Variants in WDR87 observed in about 807,000 individuals in gnomAD.
WDR87 encodes WD repeat-containing protein 87.
A neutral mutation model predicts 83.3 loss-of-function variants in WDR87; 56 were observed. That is an observed-to-expected ratio of 0.67 (90% CI 0.54 to 0.84). The LOEUF (loss-of-function observed/expected upper bound fraction) is 0.84, where lower values mean the gene tolerates loss of function less well. WDR87 is among the 40% of genes least tolerant of loss of function. WDR87 has a pLI of 0.00. For missense variants in WDR87, 2,939 were observed against 3,431.9 expected, an observed-to-expected ratio of 0.86 and a Z score of 3.59; for synonymous variants, 1,173 against 1,250.6, an observed-to-expected ratio of 0.94 and a Z score of 1.31.
chr19:37,903,474 C>G (rs1248439211), intron 1 of WDR87, among the ~76,000 whole-genome samples: 1 of 152,134 alleles, frequency 6.6e-6, no homozygotes. Context: ...TGAGAAGTAA[C>G]GACAGTATCC....
rs556201216 is a variant in WDR87, at chr19:37,899,766, C to T, written c.-46-1481G>A. ...CCTGGCCTATTTTGTTTTTTTGTTT[C>T]AATTTTTGTAGAGATGGGAGTGGGG... On this transcript the variant is annotated intron_variant, in intron 1 of 5. Transcript: ENST00000447313. Among the ~76,000 whole-genome samples the T allele has an allele frequency of 3.4e-4, 52 of 151,932 alleles. No homozygotes were observed. In the South Asian group the frequency reaches 7.1e-3, roughly 21 times the overall value.
chr19:37,888,106 C>T lies in WDR87; in HGVS notation c.5565G>A (p.Arg1855=). The T allele has an allele frequency of 6.4e-7, 1 of 1,551,958 alleles. No homozygotes were observed. Among genetic ancestry groups the T allele is most frequent in the Non-Finnish European group, 8.7e-7 (1 of 1,147,082 alleles). ...IEKKMKLAQK[R]ERWINSMEEL... is the part of the protein sequence containing the mutation. ...CTTCCATGCTGTTGATCCATCTTTC[C>T]CTTTTTTGGGCCAGTTTCATCTTCT... The change falls in exon 6 of 6, where the codon AGG becomes AGA. Residue 1855 remains arginine, a synonymous_variant. Coordinates refer to ENST00000447313, the MANE Select transcript of WDR87 (RefSeq NM_001291088.2).
chr19:37,896,935 G>A (rs758450535), intron 2 of WDR87, among the ~76,000 whole-genome samples: 2 of 151,984 alleles, frequency 1.3e-5, no homozygotes, highest in Non-Finnish European at 2.9e-5. Flanking sequence ...TAACATTCTC[G>A]CTTGTGTGTA....
chr19:37,885,603 C>G lies in WDR87; in HGVS notation c.8068G>C (p.Ala2690Pro). 6.4e-7 allele frequency: 1 copy of G among 1,551,716 alleles called. No homozygotes were observed. The highest frequency in any genetic ancestry group is 8.7e-7 in the Non-Finnish European group (1 of 1,147,008). Residue 2690 changes from alanine (A) to proline (P), a missense_variant, in exon 6 of 6, where the codon GCA becomes CCA. Transcript: ENST00000447313. ...TTGTGAGCAATGGATATCTGCTGTG[C>G]CCTCTCACTTCTGTAAGGTTCTCCT... ...LLGEPYRSER[A>P]QQISIAHKEM...
At position 37,891,888 on chromosome 19, in the gene WDR87, A is replaced by G. The variant is rs2046208843; in HGVS notation, c.3126-68T>C. ...ACAAAAGGGAGAATGGGAAGCAAAA[A>G]ACGGTTGTGGAACAGGCAGGAGGCT... is the stretch of plus-strand genomic sequence containing the variant. On this transcript the variant is annotated intron_variant, in intron 4 of 5. Transcript: ENST00000447313. 4.0e-6 allele frequency: 6 copies of G among 1,512,386 alleles called. No homozygotes were observed. In the South Asian group the frequency reaches 5.1e-5, roughly 13 times the overall value. 93.7% of individuals were successfully genotyped at this position (1,512,386 alleles called of 1,614,324 possible). A position where few individuals can be genotyped will look rare whatever the true frequency, so the allele number is the denominator to read the frequency against.
chr19:37,901,976 A>G (rs1281535281), intron 1 of WDR87, among the ~76,000 whole-genome samples: 3 of 151,822 alleles, frequency 2.0e-5, no homozygotes, highest in Non-Finnish European at 4.4e-5. Context: ...TCAGCCTCCC[A>G]AAGTGCTGGG....
Position 37,892,631 on chromosome 19 carries a change from A to G in WDR87, c.3072T>C (p.Ser1024=), listed in dbSNP as rs748059731. The change falls in exon 4 of 6, where the codon TCT becomes TCC. Residue 1024 remains serine (S), a synonymous_variant. Coordinates refer to ENST00000447313, the MANE Select transcript of WDR87 (RefSeq NM_001291088.2). The stretch of plus-strand genomic sequence containing the variant: ...GGGTCAGCTGTAAGAGTGAGGTCCT[A>G]GAGTGGATTCCAATCTCAGCCATGA... ...LSLMAEIGIH[S]RTSLLQLTQK... is the part of the protein sequence containing the mutation. 29 of 1,545,418 alleles carry G rather than the reference A, an allele frequency of 1.9e-5. 1 individual carries two copies. The South Asian group carries it at 3.5e-4, about 18-fold the overall frequency.
At position 37,894,008 on chromosome 19, in the gene WDR87, G is replaced by A. The variant is rs1568453786; in HGVS notation, c.1695C>T (p.Leu565=). 1 of 1,551,914 alleles carries A rather than the reference G, an allele frequency of 6.4e-7. No individual in the cohort carries two copies. Among genetic ancestry groups the A allele is most frequent in the African/African-American group, 1.4e-5 (1 of 73,182 alleles). The stretch of plus-strand genomic sequence containing the variant: ...TGATGGCACCCACAGACTTGGGCAA[G>A]AGTATCAGATGTGTTAGGTGACAGC... ...LSSCHLTHLI[L]LPKSVGAITE... Residue 565 remains leucine, a synonymous_variant, in exon 4 of 6, where the codon CTC becomes CTT. Transcript: ENST00000447313.
chr19:37,892,720 CA>C lies in WDR87; in HGVS notation c.2982del (p.Phe994LeufsTer9), dbSNP rs1190867195. 1.3e-6 allele frequency: 2 copies of C among 1,551,658 alleles called. No individual in the cohort carries two copies. Among genetic ancestry groups the C allele is most frequent in the African/African-American group, 2.7e-5 (2 of 73,032 alleles). On this transcript the variant is annotated frameshift_variant, in exon 4 of 6. Coordinates refer to ENST00000447313, the MANE Select transcript of WDR87 (RefSeq NM_001291088.2). LOFTEE classifies it high-confidence loss of function. ...LKRLGMITHL[F>X]AMPLAQGLMD... Reference sequence around the variant, plus strand: ...ATTAATCCTTGAGCCAGAGGCATGGCAAAAAGATGAGTAATCATTCCTAGAC... The same window carrying C: ...ATTAATCCTTGAGCCAGAGGCATGGCAAAAGATGAGTAATCATTCCTAGAC...
intron 2 of WDR87, 130 bp downstream of exon 2, chr19:37,898,035 G>A: frequency 9.9e-7 from 1 of 1,009,624 alleles, no homozygotes; most frequent in Non-Finnish European, 1.4e-6. Context: ...CTCCTGCTAA[G>A]GTGGTGACTA....
At chr19:37,898,921 T>C (rs1338080312) in intron 1 of WDR87, among the ~76,000 whole-genome samples, 1 of 152,070 alleles carries the variant, frequency 6.6e-6, no homozygotes, top group East Asian at 1.9e-4. Context: ...TTTAGAGAAA[T>C]GGTGGGAAGT....
At position 37,885,837 on chromosome 19, in the gene WDR87, T is replaced by A. The variant is rs2046139496; in HGVS notation, c.7834A>T (p.Ile2612Phe). ...AGGGCCTGTCTGTGACGGTACACAA[T>A]GGCTTCATGTTTGGCCAGATGCAGC... ...EWLHLAKHEA[I>F]VYRHRQALES... Residue 2612 changes from isoleucine (I) to phenylalanine (F), a missense_variant, in exon 6 of 6, where the codon ATT becomes TTT. Physicochemically the swap from Ile to Phe is conservative, Grantham distance 21. This residue lies in a region of WDR87 where 2,160 missense variants were observed against 2,533.1 expected (regional missense o/e 0.85). Transcript: ENST00000447313. 1 of 1,551,946 alleles carries A rather than the reference T, an allele frequency of 6.4e-7. No homozygotes were observed. The highest frequency in any genetic ancestry group is 8.7e-7 in the Non-Finnish European group (1 of 1,147,048).
chr19:37,889,156 CT>C lies in WDR87; in HGVS notation c.4514del (p.Glu1505GlyfsTer51), dbSNP rs1439536335. On this transcript the variant is annotated frameshift_variant, in exon 6 of 6. Coordinates refer to ENST00000447313, the MANE Select transcript of WDR87 (RefSeq NM_001291088.2). LOFTEE classifies it low-confidence loss of function (END_TRUNC). ...TTGTCTCACCATGGACCTGTTTCCA[CT>C]CATCCCAGGCCTTTTTCCAGTCCTG... The part of the protein sequence containing the change: ...SWQDWKKAWD[E>X]WKQVHGETRK... The C allele has an allele frequency of 6.4e-7, 1 of 1,552,328 alleles. No homozygotes were observed. Among genetic ancestry groups the C allele is most frequent in the East Asian group, 2.4e-5 (1 of 40,904 alleles).
intron 5 of WDR87, 123 bp downstream of exon 5, chr19:37,891,429 T>A (rs1489630194): frequency 7.7e-7 from 1 of 1,294,366 alleles, no homozygotes; most frequent in East Asian, 2.5e-5. Context: ...GTCCCAGTGC[T>A]GGAATTACAG....
chr19:37,892,135 C>T lies in WDR87; in HGVS notation c.3126-315G>A, dbSNP rs542818877. 6.5e-4 allele frequency among the ~76,000 whole-genome samples: 99 copies of T among 152,146 alleles called. 1 individual carries two copies. In the South Asian group the frequency reaches 0.02, roughly 30 times the overall value. On this transcript the variant is annotated intron_variant, in intron 4 of 5. Coordinates refer to ENST00000447313, the MANE Select transcript of WDR87 (RefSeq NM_001291088.2). ...CCAGGTATGGTGGCTCATGCCTGTA[C>T]TCCTAGCACTTTGGGAAGCCAAGGT...
rs903870649 is a variant in WDR87 at position 37,886,681 on chromosome 19, T to G, written c.6990A>C (p.Lys2330Asn). Residue 2330 changes from lysine (K) to asparagine (N), a missense_variant, in exon 6 of 6, where the codon AAA becomes AAC. Coordinates refer to ENST00000447313, the MANE Select transcript of WDR87 (RefSeq NM_001291088.2). ...GAACCTCCTCCTTCTTCTTTTCCTT[T>G]TTCTTCTTCTTCTTCTCCTCCTCTT... ...EKEEEEKKKKKKEKKKEEVQE... is the reference protein window; with the variant it reads ...EKEEEEKKKKNKEKKKEEVQE... 1 of 1,472,984 alleles carries G rather than the reference T, an allele frequency of 6.8e-7. No individual in the cohort carries two copies. The highest frequency in any genetic ancestry group is 1.4e-5 in the African/African-American group (1 of 70,428). The allele number at this position is 1,472,984 out of a possible 1,614,324, so 91.2% of individuals were successfully genotyped here.
Position 37,885,383 on chromosome 19 carries a change from G to A in WDR87, c.8288C>T (p.Pro2763Leu). Residue 2763 changes from proline (P) to leucine (L), a missense_variant, in exon 6 of 6, where the codon CCT becomes CTT. Coordinates refer to ENST00000447313, the MANE Select transcript of WDR87 (RefSeq NM_001291088.2). ...CAGTGCCACAAATGTCTCCCACAAA[G>A]GCAACTCTTCCTTTTTTTTAGAAAT... ...QPISKKKEEL[P>L]LWETFVALYH... 1 of 1,551,824 alleles carries A rather than the reference G, an allele frequency of 6.4e-7. No homozygotes were observed. Among genetic ancestry groups the A allele is most frequent in the Non-Finnish European group, 8.7e-7 (1 of 1,147,026 alleles).
chr19:37,901,718 T>TG (rs2046294729), intron 1 of WDR87, among the ~76,000 whole-genome samples: 1 of 151,664 alleles, frequency 6.6e-6, no homozygotes, highest in Admixed American at 6.6e-5. Flanking sequence ...TAATTTTATG[T>TG]GGTTTTTTTT....
Position 37,898,288 on chromosome 19 carries a change from G to A in WDR87, c.-46-3C>T, listed in dbSNP as rs1267222785. ...CCTGAGGACTGTTGCTTAAAAACCT[G>A]TGGGAATCCAAAAGAGCCCAGCTTA... On this transcript the variant is annotated splice_region_variant and splice_polypyrimidine_tract_variant and intron_variant, in intron 1 of 5. Coordinates refer to ENST00000447313, the MANE Select transcript of WDR87 (RefSeq NM_001291088.2). 2.6e-6 allele frequency: 4 copies of A among 1,537,840 alleles called. No individual in the cohort carries two copies. Among genetic ancestry groups the A allele is most frequent in the Non-Finnish European group, 3.5e-6 (4 of 1,142,030 alleles).
Sources: allele counts gnomAD v4.1 joint callset (sites outside exome capture counted in the v4.1 genomes callset), GRCh38; gene constraint gnomAD v4.1.1; regional missense constraint gnomAD v4.1.1; transcripts MANE v1.5; gene names NCBI Gene and HGNC (gene_info 2026-07-23, HGNC 2026-07-21).